LCLAT1: variants seen among roughly 807,000 people sequenced by gnomAD.
LCLAT1 encodes the protein lysocardiolipin acyltransferase 1, also known as 1-AGP acyltransferase 8.
LCLAT1 carries 11 observed loss-of-function variants against 30.7 expected under a neutral mutation model. The ratio of observed to expected loss-of-function variants is 0.36; its 90% confidence interval spans 0.23 to 0.59. The LOEUF is 0.59. Ranked by LOEUF, LCLAT1 falls within the 20% of genes least tolerant of loss-of-function variation. The probability of loss-of-function intolerance (pLI) is 0.77; values close to 1 mark genes in which losing one functional copy is unlikely to be tolerated. For synonymous variants in LCLAT1, 155 were observed against 151.3 expected, an observed-to-expected ratio of 1.02 and a Z score of -0.18; for missense variants, 402 against 458.6, an observed-to-expected ratio of 0.88 and a Z score of 1.13.
intron 1 of LCLAT1, among the ~76,000 whole-genome samples, chr2:30,448,290 T>G (rs933185538): frequency 6.6e-6 from 1 of 152,256 alleles, no homozygotes; most frequent in African/African-American, 2.4e-5. Flanking sequence ...AAACGTCATC[T>G]CATGAAGTAT....
chr2:30,605,038 T>A (rs1225382518), intron 5 of LCLAT1, among the ~76,000 whole-genome samples: 1 of 152,244 alleles, frequency 6.6e-6, no homozygotes, highest in African/African-American at 2.4e-5. Flanking sequence ...TGTAACACAG[T>A]TAACATGGGT....
At chr2:30,562,478 C>T (rs1665278507) in intron 4 of LCLAT1, among the ~76,000 whole-genome samples, 186 bp downstream of exon 4, 1 of 152,062 alleles carries the variant, frequency 6.6e-6, no homozygotes, top group East Asian at 1.9e-4. Context: ...TGAGACCAGC[C>T]TGAGCTACAT....
chr2:30,481,674 G>T (rs1482956988), intron 1 of LCLAT1, among the ~76,000 whole-genome samples: 2 of 152,148 alleles, frequency 1.3e-5, no homozygotes, highest in Non-Finnish European at 2.9e-5. Flanking sequence ...TTGCCAAAGT[G>T]GTTTCAGTGG....
chr2:30,557,326 G>GTGTGTA (rs1664971875), intron 3 of LCLAT1, among the ~76,000 whole-genome samples: 2 of 146,266 alleles, frequency 1.4e-5, no homozygotes, highest in African/African-American at 5.0e-5. Context: ...GTGTGTGTGT[G>GTGTGTA]TATGACCAGT....
At chr2:30,543,518 A>C (rs919557305) in intron 3 of LCLAT1, among the ~76,000 whole-genome samples, 2 of 152,106 alleles carry the variant, frequency 1.3e-5, no homozygotes, top group African/African-American at 4.8e-5. Context: ...TTTCCTCTTT[A>C]AATGATTAAA....
intron 3 of LCLAT1, among the ~76,000 whole-genome samples, chr2:30,557,103 A>C (rs879373765): frequency 6.6e-6 from 1 of 152,300 alleles, no homozygotes; most frequent in Middle Eastern, 3.4e-3. Context: ...TTATTTTTCT[A>C]CTAACTCATT....
At chr2:30,466,869 G>A (rs1298249411) in intron 1 of LCLAT1, among the ~76,000 whole-genome samples, 1 of 151,792 alleles carries the variant, frequency 6.6e-6, no homozygotes, top group Admixed American at 6.6e-5. Flanking sequence ...AAATCTTTAG[G>A]GTTGTTTGTT....
intron 1 of LCLAT1, among the ~76,000 whole-genome samples, chr2:30,520,917 A>G (rs1016916713): frequency 7.2e-5 from 11 of 152,238 alleles, no homozygotes; most frequent in Non-Finnish European, 4.4e-5. Flanking sequence ...GAACAAATCC[A>G]TCTTAAATAG....
At chr2:30,467,392 A>G (rs1326877982) in intron 1 of LCLAT1, among the ~76,000 whole-genome samples, 1 of 152,254 alleles carries the variant, frequency 6.6e-6, no homozygotes, top group Admixed American at 6.5e-5. Flanking sequence ...TAGTGCCACA[A>G]TAAACATGTG....
intron 1 of LCLAT1, among the ~76,000 whole-genome samples, chr2:30,495,929 T>TG (rs1398683163): frequency 6.6e-6 from 1 of 152,216 alleles, no homozygotes; most frequent in Non-Finnish European, 1.5e-5. Context: ...AGTCTGTTCT[T>TG]GCGTTGCTAT....
intron 1 of LCLAT1, among the ~76,000 whole-genome samples, chr2:30,471,643 A>T (rs1335466993): frequency 1.3e-5 from 2 of 151,984 alleles, no homozygotes; most frequent in African/African-American, 4.8e-5. Flanking sequence ...TATTCTTTTG[A>T]TGTTATTGTA....
intron 1 of LCLAT1, among the ~76,000 whole-genome samples, chr2:30,505,659 A>G (rs1684622664): frequency 6.6e-6 from 1 of 152,114 alleles, no homozygotes; most frequent in South Asian, 2.1e-4. Flanking sequence ...CCAAAATCTT[A>G]AAAGCTCCCT....
chr2:30,512,309 G>C (rs79576508), intron 1 of LCLAT1, among the ~76,000 whole-genome samples: 1,601 of 152,148 alleles, frequency 0.011, 24 homozygotes, highest in African/African-American at 0.036. Flanking sequence ...TCATATTCTA[G>C]ATAATGCTTT....
intron 5 of LCLAT1, among the ~76,000 whole-genome samples, chr2:30,588,182 C>T (rs1051503316): frequency 2.0e-5 from 3 of 152,228 alleles, no homozygotes; most frequent in Admixed American, 2.0e-4. Context: ...GTGCTCCTGA[C>T]GTTTTCAACC....
At chr2:30,635,707 C>G (rs1245391964) in intron 5 of LCLAT1, among the ~76,000 whole-genome samples, 1 of 152,064 alleles carries the variant, frequency 6.6e-6, no homozygotes, top group African/African-American at 2.4e-5. Context: ...TACCATGGAA[C>G]AAGTCATAGA....
chr2:30,557,525 C>T (rs1664983276), intron 3 of LCLAT1, among the ~76,000 whole-genome samples: 1 of 152,046 alleles, frequency 6.6e-6, no homozygotes, highest in South Asian at 2.1e-4. Flanking sequence ...AGTGATTCTC[C>T]TGCCTCAGCC....
intron 3 of LCLAT1, chr2:30,552,538 A>C: frequency 2.2e-6 from 1 of 449,464 alleles, no homozygotes. Flanking sequence ...CTACAACAGG[A>C]TTGTTGCTGC....
At chr2:30,533,457 G>A in intron 3 of LCLAT1, 143 bp downstream of exon 3, 1 of 698,024 alleles carries the variant, frequency 1.4e-6, no homozygotes, top group Non-Finnish European at 2.6e-6. Context: ...GTCTTTAGTG[G>A]ATCTGCTATG....
chr2:30,454,260 T>C (rs4952124), intron 1 of LCLAT1, among the ~76,000 whole-genome samples: 33,711 of 152,074 alleles, frequency 0.22, 3,817 homozygotes, highest in East Asian at 0.34. Flanking sequence ...ATTGTTTTGA[T>C]AGTCTTGCAT....
Sources: gnomAD v4.1 joint callset for allele counts (sites outside exome capture counted in the v4.1 genomes callset) on GRCh38, gnomAD v4.1.1 for gene constraint, MANE v1.5 for transcripts, NCBI Gene and HGNC (gene_info 2026-07-23, HGNC 2026-07-21) for gene names.